Variants in RPSA observed in about 807,000 individuals in gnomAD.
RPSA encodes ribosomal protein SA.
For synonymous variants in RPSA, 103 were observed against 126.7 expected, an observed-to-expected ratio of 0.81 and a Z score of 1.25; for missense variants, 140 against 372.8, an observed-to-expected ratio of 0.38 and a Z score of 5.14.
chr3:39,406,892 C>T, intron 1 of RPSA, 128 bp downstream of exon 1: 1 of 456,256 alleles, frequency 2.2e-6, no homozygotes, highest in Non-Finnish European at 4.4e-6. Context: ...CCCGGCGCGC[C>T]CCACCTTAGG....
At chr3:39,411,144 C>T (rs549853185) in intron 4 of RPSA, 145 bp downstream of exon 4, 14 of 952,256 alleles carry the variant, frequency 1.5e-5, no homozygotes, top group Middle Eastern at 2.1e-4. Context: ...GGCAAGTTTT[C>T]GCTAACACCA....
In RPSA at chr3:39,408,936, A is replaced by T. The variant is rs2041961469; in HGVS notation, c.252+212A>T. ...CCCATCTCTACTAAAAATACAAAAAATTAGTTGGGCGTGGGGGCGGGTGCC... is the reference window on the plus strand; with the variant it reads ...CCCATCTCTACTAAAAATACAAAAATTTAGTTGGGCGTGGGGGCGGGTGCC... On this transcript the variant is annotated intron_variant, in intron 3 of 6. Coordinates refer to ENST00000301821, the MANE Select transcript of RPSA (RefSeq NM_002295.6). 1.0e-5 allele frequency: 5 copies of T among 492,348 alleles called. No individual in the cohort carries two copies. The East Asian group carries it at 1.8e-4, about 18-fold the overall frequency. 30.5% of individuals were successfully genotyped at this position (492,348 alleles called of 1,614,324 possible).
chr3:39,408,752 A>G (rs1237515887), intron 3 of RPSA, 28 bp downstream of exon 3: 2 of 1,146,224 alleles, frequency 1.7e-6, no homozygotes, highest in East Asian at 2.3e-5. Flanking sequence ...TAGTTTTTAT[A>G]TTATAGAAAT....
At chr3:39,407,079 G>A (rs765631319) in intron 1 of RPSA, 2 of 450,218 alleles carry the variant, frequency 4.4e-6, no homozygotes, top group African/African-American at 4.0e-5. Context: ...AGTCCCACAC[G>A]GCGGTGAGTC....
intron 4 of RPSA, chr3:39,411,293 C>A: frequency 4.6e-6 from 3 of 655,046 alleles, no homozygotes; most frequent in Non-Finnish European, 2.8e-6. Flanking sequence ...GTTTCTTGCT[C>A]AGGCCTCAGG....
Position 39,410,987 on chromosome 3 carries a change from A to G in RPSA, c.486A>G (p.Pro162=), listed in dbSNP as rs779660704. Residue 162 remains proline (P), a synonymous_variant, in exon 4 of 7, where the codon CCA becomes CCG. Coordinates refer to ENST00000301821, the MANE Select transcript of RPSA (RefSeq NM_002295.6). ...SPLRYVDIAI[P]CNNKGAHSVG... ...TGCGCTATGTGGACATTGCCATCCC[A>G]TGCAACAACAAGGTAATGATTTTAG... 5.0e-6 allele frequency: 8 copies of G among 1,599,590 alleles called. No homozygotes were observed. The African/African-American group carries it at 1.1e-4, about 21-fold the overall frequency.
In RPSA at chr3:39,412,065, T is replaced by G; in HGVS notation, c.793+4T>G. On this transcript the variant is annotated splice_donor_region_variant and intron_variant, in intron 6 of 6. Transcript: ENST00000301821. ...CCTATTCAGCAATTCCCTACTGGTA[T>G]GTATCAGGATAGAGGTGAATCAAGC... 3.7e-6 allele frequency: 6 copies of G among 1,611,034 alleles called. No individual in the cohort carries two copies. In the Admixed American group the frequency reaches 1.0e-4, roughly 27 times the overall value.
chr3:39,412,119 C>T (rs2723), intron 6 of RPSA, 58 bp downstream of exon 6: 723,940 of 1,518,266 alleles, frequency 0.48, 180,130 homozygotes, highest in East Asian at 0.61. Context: ...CAGTTTTATT[C>T]TAACTTTAAT....
chr3:39,411,236 G>A (rs1357286638), intron 4 of RPSA: 1 of 730,796 alleles, frequency 1.4e-6, no homozygotes, highest in Middle Eastern at 2.3e-4. Flanking sequence ...GCTTTGTGGA[G>A]AAATGAAAAC....
Position 39,406,889 on chromosome 3 carries a change from C to T in RPSA, c.-34+125C>T, listed in dbSNP as rs890967855. Reference sequence around the variant, plus strand: ...GACTGGATCTGTCTCCCGCCCGGCGCGCCCCACCTTAGGCCTGCGGCCCGC... The same window carrying T: ...GACTGGATCTGTCTCCCGCCCGGCGTGCCCCACCTTAGGCCTGCGGCCCGC... On this transcript the variant is annotated intron_variant, in intron 1 of 6. Transcript: ENST00000301821. 8.5e-5 allele frequency: 39 copies of T among 456,302 alleles called. No individual in the cohort carries two copies. In the East Asian group the frequency reaches 2.6e-3, roughly 30 times the overall value. 28.3% of individuals were successfully genotyped at this position (456,302 alleles called of 1,614,324 possible).
At chr3:39,406,920 G>T (rs1288642867) in intron 1 of RPSA, 156 bp downstream of exon 1, 1 of 454,716 alleles carries the variant, frequency 2.2e-6, no homozygotes, top group Non-Finnish European at 4.4e-6. Flanking sequence ...CCCGCACGTG[G>T]CCAGGCTCGG....
chr3:39,411,099 T>C, intron 4 of RPSA, 100 bp downstream of exon 4: 3 of 1,461,654 alleles, frequency 2.1e-6, no homozygotes, highest in Non-Finnish European at 9.5e-7. Context: ...GACTGGCCGA[T>C]GAACTCGCAA....
In RPSA at chr3:39,406,752, G is replaced by C. The variant is rs35133171; in HGVS notation, c.-46G>C. The C allele has an allele frequency of 4.8e-6, 2 of 415,114 alleles. No individual in the cohort carries two copies. The highest frequency in any genetic ancestry group is 9.6e-6 in the Non-Finnish European group (2 of 208,552). The allele number at this position is 415,114 out of a possible 1,614,324, so 25.7% of individuals were successfully genotyped here. ...GTGCTACCTGCAGAGGGGTCCATAC[G>C]GCGTTGTTCTGGGTGAGTTCCGTGT... On this transcript the variant is annotated 5_prime_UTR_variant, in exon 1 of 7. Coordinates refer to ENST00000301821, the MANE Select transcript of RPSA (RefSeq NM_002295.6).
At chr3:39,411,115 G>GCACACTACCTACACTTGC in intron 4 of RPSA, 116 bp downstream of exon 4, 1 of 1,347,708 alleles carries the variant, frequency 7.4e-7, no homozygotes, top group Non-Finnish European at 1.1e-6. Context: ...CGCAAGTGTA[G>GCACACTACCTACACTTGC]GTAGTGTGCT....
In RPSA at chr3:39,410,914, C is replaced by T. The variant is rs1387989945; in HGVS notation, c.413C>T (p.Ser138Phe). The T allele has an allele frequency of 1.9e-6, 3 of 1,590,926 alleles. No homozygotes were observed. In the African/African-American group the frequency reaches 4.0e-5, roughly 21 times the overall value. Residue 138 changes from serine to phenylalanine, a missense_variant, in exon 4 of 7, where the codon TCT becomes TTT. By Grantham distance (155) the Ser-to-Phe change is radical. Coordinates refer to ENST00000301821, the MANE Select transcript of RPSA (RefSeq NM_002295.6). The stretch of plus-strand genomic sequence containing the variant: ...GACCACCAGCCTCTCACGGAGGCAT[C>T]TTATGTTAACCTACCTACCATTGCG... ...RADHQPLTEA[S>F]YVNLPTIALC...
chr3:39,410,117 T>G, intron 3 of RPSA: 1 of 161,240 alleles, frequency 6.2e-6, no homozygotes, highest in Admixed American at 5.7e-5. Flanking sequence ...AGTGAGGCCT[T>G]GTCTCAAAGA....
Sources: gnomAD v4.1 joint callset for allele counts on GRCh38, gnomAD v4.1.1 for gene constraint, MANE v1.5 for transcripts, NCBI Gene and HGNC (gene_info 2026-07-23, HGNC 2026-07-21) for gene names.